Variants in TP53BP2 observed in about 807,000 individuals in gnomAD.
TP53BP2 encodes the protein tumor protein p53 binding protein 2.
A neutral mutation model predicts 126.2 loss-of-function variants in TP53BP2; 62 were observed. That is an observed-to-expected ratio of 0.49 (90% confidence interval 0.40 to 0.61). The LOEUF (loss-of-function observed/expected upper bound fraction) is 0.61. TP53BP2 is among the 20% of genes least tolerant of loss of function. TP53BP2 has a pLI of 0.00. For missense variants in TP53BP2, 1,215 were observed against 1,402.8 expected (o/e 0.87, Z 2.14); for synonymous variants, 485 against 502.9 (o/e 0.96, Z 0.48).
rs1420033129 is a variant in TP53BP2, at chr1:223,845,707, C to T, written c.-27G>A. The T allele has an allele frequency of 1.3e-6, 2 of 1,532,134 alleles. No individual in the cohort carries two copies. Among genetic ancestry groups the T allele is most frequent in the African/African-American group, 2.9e-5 (2 of 69,990 alleles). The allele number at this position is 1,532,134 out of a possible 1,614,324, so 94.9% of individuals were successfully genotyped here. A position where few individuals can be genotyped will look rare whatever the true frequency, so the allele number is the denominator to read the frequency against. On this transcript the variant is annotated 5_prime_UTR_variant, in exon 1 of 18. Transcript: ENST00000343537. ...GAAGCGGGTGGCCAGACTGCGGCCC[C>T]GGCCGAGCTGAGGTGCCCCGGAGGG...
chr1:223,832,175 TCAC>T (rs1663758587), intron 1 of TP53BP2, among the ~76,000 whole-genome samples: 1 of 152,212 alleles, frequency 6.6e-6, no homozygotes, highest in African/African-American at 2.4e-5. Flanking sequence ...ATGTTCCCTG[TCAC>T]CAAAGGGAAA....
rs767232687 is a variant in TP53BP2 at position 223,798,285 on chromosome 1, T to A, written c.1878A>T (p.Gly626=). 37 of 1,614,096 alleles carry A rather than the reference T, an allele frequency of 2.3e-5. No homozygotes were observed. Among genetic ancestry groups the A allele is most frequent in the Non-Finnish European group, 2.4e-5 (28 of 1,180,042 alleles). ...YSMYTQQQAP[G]KNFQQAVQSA... is the part of the protein sequence containing the mutation. ...TCTGCACAGCCTGCTGGAAGTTTTT[T>A]CCTGGCGCCTGCTGTTGCGTATACA... The change falls in exon 12 of 18, where the codon GGA becomes GGT. Residue 626 remains glycine, a synonymous_variant. Transcript: ENST00000343537.
At chr1:223,785,105 G>A (rs1464780464) in intron 16 of TP53BP2, among the ~76,000 whole-genome samples, 1 of 151,996 alleles carries the variant, frequency 6.6e-6, no homozygotes, top group African/African-American at 2.4e-5. Context: ...CAGGCAATAG[G>A]AAAAAAGCAG....
intron 4 of TP53BP2, among the ~76,000 whole-genome samples, chr1:223,808,275 C>A (rs1476749925): frequency 6.6e-6 from 1 of 152,148 alleles, no homozygotes; most frequent in Non-Finnish European, 1.5e-5. Context: ...GTAATCCCAG[C>A]ACTTTGGGAG....
At chr1:223,821,115 A>G (rs1663289477) in intron 2 of TP53BP2, 105 bp downstream of exon 2, 5 of 1,410,138 alleles carry the variant, frequency 3.5e-6, no homozygotes. Flanking sequence ...GCTATTCTCC[A>G]GTTTCTCCCC....
intron 5 of TP53BP2, among the ~76,000 whole-genome samples, chr1:223,805,744 G>A (rs1484212289): frequency 6.6e-6 from 1 of 152,210 alleles, no homozygotes; most frequent in African/African-American, 2.4e-5. Flanking sequence ...TGGGTGTTTA[G>A]ACCAGGGGTT....
chr1:223,792,596 A>T, intron 14 of TP53BP2, 74 bp from the exon 15 acceptor site: 1 of 1,508,218 alleles, frequency 6.6e-7, no homozygotes, highest in East Asian at 2.3e-5. Context: ...TGGCTCCTTT[A>T]GGGTCAAGAG....
At chr1:223,833,972 A>G (rs1663830973) in intron 1 of TP53BP2, among the ~76,000 whole-genome samples, 1 of 152,172 alleles carries the variant, frequency 6.6e-6, no homozygotes, top group East Asian at 1.9e-4. Context: ...CTCAGGGTGA[A>G]GGGGACTTTT....
At chr1:223,826,115 G>A (rs1444975160) in intron 1 of TP53BP2, 1 of 152,278 alleles carries the variant, frequency 6.6e-6, no homozygotes, top group Non-Finnish European at 1.5e-5. Flanking sequence ...GTGCCAACCA[G>A]AGGCAACACA....
rs1434506794 is a variant in TP53BP2 at position 223,804,229 on chromosome 1, T to A, written c.594A>T (p.Lys198Asn). The A allele has an allele frequency of 1.9e-6, 3 of 1,613,682 alleles. No homozygotes were observed. Among genetic ancestry groups the A allele is most frequent in the African/African-American group, 2.7e-5 (2 of 74,908 alleles). ...IAENQEAKLK[K>N]VRALKGHVEQ... ...CCACGTGGCCTTTAAGTGCTCTCAC[T>A]TTTTTTAGCTTAGCTTCCTGATTCT... The change falls in exon 6 of 18, where the codon AAA becomes AAT. Residue 198 changes from lysine (K) to asparagine (N), a missense_variant. Physicochemically the swap from Lys to Asn is moderately conservative, Grantham distance 94 (BLOSUM62 0). This residue lies in a region of TP53BP2 where 814 missense variants were observed against 853.0 expected (regional missense o/e 0.95). Transcript: ENST00000343537.
Position 223,796,885 on chromosome 1 carries a change from A to G in TP53BP2, c.1949-295T>C, listed in dbSNP as rs952768895. Among the ~76,000 whole-genome samples the G allele has an allele frequency of 1.4e-4, 22 of 152,238 alleles. No individual in the cohort carries two copies. The highest frequency in any genetic ancestry group is 5.3e-4 in the African/African-American group (22 of 41,458). On this transcript the variant is annotated intron_variant, in intron 12 of 17. Coordinates refer to ENST00000343537, the MANE Select transcript of TP53BP2 (RefSeq NM_001031685.3). This position sits in a 1 kb window ranked among gnomAD's most constrained non-coding sequence, Gnocchi z 4.2. ...AATCACTGTAGCATCCAAATTTAAA[A>G]TAACAAAATGTGAAAAACATTTAGA...
chr1:223,821,003 T>C (rs1663283901), intron 2 of TP53BP2: 1 of 603,672 alleles, frequency 1.7e-6, no homozygotes, highest in African/African-American at 1.9e-5. Context: ...CCTTTTGTAT[T>C]TTATATTGTG....
At chr1:223,821,746 T>C (rs774507702) in intron 1 of TP53BP2, among the ~76,000 whole-genome samples, 1 of 152,222 alleles carries the variant, frequency 6.6e-6, no homozygotes, top group Admixed American at 6.5e-5. Context: ...ATATACTTAT[T>C]TATGCACAGT....
At chr1:223,803,866 A>G (rs73127434) in intron 6 of TP53BP2, among the ~76,000 whole-genome samples, 1 of 152,228 alleles carries the variant, frequency 6.6e-6, no homozygotes, top group African/African-American at 2.4e-5. Flanking sequence ...AGGGGAAAAA[A>G]TGCTACATTT....
At chr1:223,795,145 A>T (rs1662273782) in intron 13 of TP53BP2, among the ~76,000 whole-genome samples, 2 of 152,230 alleles carry the variant, frequency 1.3e-5, no homozygotes, top group Non-Finnish European at 2.9e-5. Flanking sequence ...TACTATCTGG[A>T]AGGAGTGTAG....
intron 1 of TP53BP2, among the ~76,000 whole-genome samples, chr1:223,823,154 G>A (rs1264881111): frequency 6.6e-6 from 1 of 152,108 alleles, no homozygotes; most frequent in Non-Finnish European, 1.5e-5. Flanking sequence ...ATGACAGGAG[G>A]ACATCACACA....
chr1:223,829,099 G>A (rs1161555605), intron 1 of TP53BP2, among the ~76,000 whole-genome samples: 1 of 152,124 alleles, frequency 6.6e-6, no homozygotes, highest in Non-Finnish European at 1.5e-5. Context: ...GGCAGAGGCA[G>A]GGGAATCACT....
intron 17 of TP53BP2, among the ~76,000 whole-genome samples, chr1:223,781,648 A>C (rs1286747203): frequency 2.6e-5 from 4 of 152,142 alleles, no homozygotes; most frequent in Admixed American, 6.5e-5. Context: ...AAAAATAATA[A>C]ATAATTTTAA....
Position 223,831,476 on chromosome 1 carries a change from AAAAAATATATATATATAT to A in TP53BP2, c.28-10127_28-10110del, listed in dbSNP as rs1433568879. On this transcript the variant is annotated intron_variant, in intron 1 of 17. Coordinates refer to ENST00000343537, the MANE Select transcript of TP53BP2 (RefSeq NM_001031685.3). ...CACATATGTACCATCTAAAAAAAAAAAAAAATATATATATATATATATATATATATATATATATATACT... is the reference window on the plus strand; with the variant it reads ...CACATATGTACCATCTAAAAAAAAAAATATATATATATATATATATATACT... 1.6e-3 allele frequency among the ~76,000 whole-genome samples: 82 copies of A among 50,202 alleles called. 3 individuals are homozygous for A. Among genetic ancestry groups the A allele is most frequent in the African/African-American group, 6.5e-3 (70 of 10,762 alleles). The allele number at this position is 50,202 out of a possible 152,430, so 32.9% of individuals were successfully genotyped here. A position where few individuals can be genotyped will look rare whatever the true frequency, so the allele number is the denominator to read the frequency against.
Sources: allele counts gnomAD v4.1 joint callset (sites outside exome capture counted in the v4.1 genomes callset), GRCh38; gene constraint gnomAD v4.1.1; regional missense constraint gnomAD v4.1.1; non-coding constraint Gnocchi (gnomAD v3.1); transcripts MANE v1.5; gene names NCBI Gene and HGNC (gene_info 2026-07-23, HGNC 2026-07-21).